SDK2: variants seen among roughly 807,000 people sequenced by gnomAD.
SDK2 encodes the protein protein sidekick-2.
SDK2 carries 105 observed loss-of-function variants against 253.9 expected under a neutral mutation model. That is an observed-to-expected ratio of 0.41 (90% CI 0.35 to 0.49). The LOEUF is 0.49. Among genes scored for constraint, SDK2 ranks in the 20% least tolerant of loss-of-function variants. The probability of loss-of-function intolerance (pLI) is 0.06; values close to 1 mark genes in which losing one functional copy is unlikely to be tolerated. For missense variants in SDK2, 2,608 were observed against 3,003.0 expected, an observed-to-expected ratio of 0.87 and a Z score of 3.07; for synonymous variants, 1,249 against 1,234.9, an observed-to-expected ratio of 1.01 and a Z score of -0.24.
chr17:73,346,316 C>G (rs1334596852), intron 44 of SDK2, among the ~76,000 whole-genome samples: 2 of 152,056 alleles, frequency 1.3e-5, no homozygotes, highest in Non-Finnish European at 2.9e-5. Flanking sequence ...GTCCATGATA[C>G]TGCAAGAACT....
intron 17 of SDK2, 124 bp downstream of exon 17, chr17:73,415,687 C>T: frequency 1.3e-6 from 1 of 792,770 alleles, no homozygotes; most frequent in South Asian, 1.8e-5. Flanking sequence ...TGGAGTCTCC[C>T]TATGTTGCCC....
intron 18 of SDK2, among the ~76,000 whole-genome samples, chr17:73,411,886 C>T (rs1401169893): frequency 6.8e-6 from 1 of 147,650 alleles, no homozygotes; most frequent in East Asian, 2.0e-4. Context: ...ATTCCCCTGC[C>T]TCAGTCTCCC....
intron 6 of SDK2, among the ~76,000 whole-genome samples, chr17:73,439,473 C>T (rs1323064612): frequency 6.6e-6 from 1 of 152,104 alleles, no homozygotes; most frequent in Non-Finnish European, 1.5e-5. Flanking sequence ...GTAACCCCAG[C>T]ACTTTGGGAG....
intron 1 of SDK2, among the ~76,000 whole-genome samples, chr17:73,547,650 G>T (rs1377597134): frequency 6.6e-6 from 1 of 152,166 alleles, no homozygotes; most frequent in African/African-American, 2.4e-5. Context: ...GGTCCTCAAT[G>T]GTCTCCTTCA....
chr17:73,412,183 T>C (rs1467001209), intron 18 of SDK2, among the ~76,000 whole-genome samples: 1 of 148,774 alleles, frequency 6.7e-6, no homozygotes, highest in Non-Finnish European at 1.5e-5. Context: ...TATATGTATA[T>C]GCACATACAC....
intron 36 of SDK2, among the ~76,000 whole-genome samples, chr17:73,377,975 A>G (rs548019121): frequency 1.3e-5 from 2 of 152,290 alleles, no homozygotes; most frequent in Non-Finnish European, 2.9e-5. Flanking sequence ...TCATTTGGGC[A>G]TAAAAACCCA....
intron 1 of SDK2, among the ~76,000 whole-genome samples, chr17:73,608,301 G>A (rs118110341): frequency 6.6e-6 from 1 of 152,104 alleles, no homozygotes; most frequent in East Asian, 1.9e-4. Flanking sequence ...TGGGGAGGAC[G>A]ATCACGGAGG....
At chr17:73,595,066 T>TC (rs2045736248) in intron 1 of SDK2, among the ~76,000 whole-genome samples, 12 of 152,294 alleles carry the variant, frequency 7.9e-5, no homozygotes, top group East Asian at 7.7e-4. Context: ...GGCCTGTTTC[T>TC]GTTGTTTCTA....
chr17:73,619,524 A>G (rs1330114752), intron 1 of SDK2, among the ~76,000 whole-genome samples: 1 of 152,220 alleles, frequency 6.6e-6, no homozygotes, highest in Admixed American at 6.5e-5. Flanking sequence ...AGCTTGGATA[A>G]CTGGATAACC....
intron 1 of SDK2, among the ~76,000 whole-genome samples, chr17:73,628,928 CT>C (rs1209695545): frequency 3.9e-5 from 6 of 152,164 alleles, no homozygotes; most frequent in East Asian, 1.9e-4. Flanking sequence ...CCAGACCCCC[CT>C]GGACGTGAGC....
In SDK2 at chr17:73,424,013, G is replaced by A. The variant is rs200915505; in HGVS notation, c.1663C>T (p.His555Tyr). The A allele has an allele frequency of 2.6e-5, 42 of 1,612,344 alleles. No individual in the cohort carries two copies. The South Asian group carries it at 3.2e-4, about 12-fold the overall frequency. ...RIRLDRNGSLHISQTWSGDIG... is the reference protein window; with the variant it reads ...RIRLDRNGSLYISQTWSGDIG... ...TCTCCCGACCACGTCTGTGAGATGT[G>A]CAGGGAGCCGTTTCTGTCCAGGCGG... is the stretch of plus-strand genomic sequence containing the variant. Residue 555 changes from histidine to tyrosine, a missense_variant, in exon 13 of 45, where the codon CAC (histidine) becomes TAC (tyrosine). Transcript: ENST00000392650.
chr17:73,478,457 C>A (rs1434214394), intron 2 of SDK2, among the ~76,000 whole-genome samples: 4 of 152,124 alleles, frequency 2.6e-5, no homozygotes, highest in Non-Finnish European at 5.9e-5. Flanking sequence ...GGAAGATACG[C>A]CAAGAATCCA....
intron 26 of SDK2, 92 bp from the exon 27 acceptor site, chr17:73,393,841 G>A (rs2145504402): frequency 9.9e-7 from 1 of 1,010,612 alleles, no homozygotes; most frequent in East Asian, 2.7e-5. Context: ...GAGCAGCTGT[G>A]TGTCACACAT....
At chr17:73,559,168 G>A (rs552385117) in intron 1 of SDK2, among the ~76,000 whole-genome samples, 5 of 152,150 alleles carry the variant, frequency 3.3e-5, no homozygotes, top group Non-Finnish European at 7.4e-5. Flanking sequence ...CCCAGATCCT[G>A]AAAGTATTTG....
At chr17:73,417,815 A>G (rs963434002) in intron 16 of SDK2, among the ~76,000 whole-genome samples, 50 of 152,280 alleles carry the variant, frequency 3.3e-4, no homozygotes, top group African/African-American at 1.2e-3. Flanking sequence ...TCACAGCACT[A>G]AAGAAGTAAA....
chr17:73,449,458 C>T (rs1259427775), intron 4 of SDK2, among the ~76,000 whole-genome samples: 7 of 152,058 alleles, frequency 4.6e-5, no homozygotes, highest in African/African-American at 9.7e-5. Flanking sequence ...TCTCCCAGCC[C>T]GGCTGTGCTG....
At chr17:73,476,642 G>C (rs1293238398) in intron 2 of SDK2, among the ~76,000 whole-genome samples, 1 of 152,112 alleles carries the variant, frequency 6.6e-6, no homozygotes, top group East Asian at 1.9e-4. Flanking sequence ...TTTAGAGACA[G>C]GGTCTCATTT....
chr17:73,410,417 G>A (rs749426562), intron 18 of SDK2, among the ~76,000 whole-genome samples: 21 of 152,164 alleles, frequency 1.4e-4, no homozygotes, highest in African/African-American at 5.1e-4. Context: ...GGGTTCAAGC[G>A]ATTCTCCTGC....
chr17:73,514,575 G>A (rs1471755106), intron 1 of SDK2, among the ~76,000 whole-genome samples: 1 of 152,154 alleles, frequency 6.6e-6, no homozygotes, highest in Non-Finnish European at 1.5e-5. Flanking sequence ...TGGAGGAAGG[G>A]GGTGATGGCT....
Sources: allele counts gnomAD v4.1 joint callset (sites outside exome capture counted in the v4.1 genomes callset), GRCh38; gene constraint gnomAD v4.1.1; transcripts MANE v1.5; gene names NCBI Gene and HGNC (gene_info 2026-07-23, HGNC 2026-07-21).